HERC2: variants seen among roughly 807,000 people sequenced by gnomAD.
HERC2 encodes the protein E3 ubiquitin-protein ligase HERC2.
A neutral mutation model predicts 537.7 loss-of-function variants in HERC2; 102 were observed. The observed-to-expected ratio is 0.19, with a 90% CI of 0.16 to 0.22. The LOEUF is 0.22. HERC2 is among the 10% of genes least tolerant of loss of function. The pLI is 1.00. For missense variants in HERC2, 4,236 were observed against 6,198.2 expected, an observed-to-expected ratio of 0.68 and a Z score of 10.63; for synonymous variants, 2,224 against 2,466.2, an observed-to-expected ratio of 0.90 and a Z score of 2.91.
intron 65 of HERC2, among the ~76,000 whole-genome samples, chr15:28,171,802 C>T (rs1156515950): frequency 4.6e-5 from 7 of 152,186 alleles, no homozygotes; most frequent in African/African-American, 1.7e-4. Context: ...AGACCGGGTG[C>T]GGTGACTCAC....
chr15:28,181,772 C>A (rs1299969194), intron 57 of HERC2, among the ~76,000 whole-genome samples: 2 of 152,210 alleles, frequency 1.3e-5, no homozygotes, highest in African/African-American at 4.8e-5. Flanking sequence ...TACAAATTAA[C>A]CTCTCATCCA....
intron 30 of HERC2, among the ~76,000 whole-genome samples, chr15:28,232,034 C>G (rs1179406856): frequency 1.3e-5 from 2 of 152,146 alleles, no homozygotes; most frequent in Non-Finnish European, 2.9e-5. Context: ...AAAGGAATCG[C>G]AGCAGTGTGA....
rs779645470 is a variant in HERC2, at chr15:28,246,817, C to G, written c.3316G>C (p.Val1106Leu). The change falls in exon 22 of 93, where the codon GTG (valine) becomes CTG (leucine). Residue 1106 changes from valine (V) to leucine (L), a missense_variant. This residue lies in a region of HERC2 where 754 missense variants were observed against 1,085.0 expected (regional missense o/e 0.69). Coordinates refer to ENST00000261609, the MANE Select transcript of HERC2 (RefSeq NM_004667.6). ...LCTHIGDILP[V>L]AASIASTSWR... ...CTGGTAGAAGCAATGCTGGCGGCCA[C>G]AGGCAGTATATCTCCAATGTGCGTG... 1.6e-5 allele frequency: 26 copies of G among 1,610,486 alleles called. No homozygotes were observed. The Admixed American group carries it at 2.5e-4, about 16-fold the overall frequency.
chr15:28,247,421 CTTTTTTTTTT>C lies in HERC2; in HGVS notation c.3236-534_3236-525del, dbSNP rs71132843. ...CTTCAGTTTTTCTGTCTACATGGTT[CTTTTTTTTTT>C]TTTTTTTTTTTTTTGAGACCGAGTT... On this transcript the variant is annotated intron_variant, in intron 21 of 92. Coordinates refer to ENST00000261609, the MANE Select transcript of HERC2 (RefSeq NM_004667.6). Among the ~76,000 whole-genome samples the C allele has an allele frequency of 9.2e-5, 7 of 76,188 alleles. No homozygotes were observed. In the South Asian group the frequency reaches 3.6e-3, roughly 39 times the overall value. The allele number at this position is 76,188 out of a possible 152,430, so 50.0% of individuals were successfully genotyped here.
At chr15:28,172,683 A>G (rs1894815962) in intron 65 of HERC2, among the ~76,000 whole-genome samples, 1 of 152,244 alleles carries the variant, frequency 6.6e-6, no homozygotes, top group Non-Finnish European at 1.5e-5. Flanking sequence ...TAGAAGGAGA[A>G]TCTTTATAAT....
chr15:28,163,623 G>A (rs1893836731), intron 68 of HERC2, among the ~76,000 whole-genome samples: 1 of 152,130 alleles, frequency 6.6e-6, no homozygotes, highest in African/African-American at 2.4e-5. Context: ...GCTGCATCCT[G>A]TATAATCTAC....
Position 28,113,396 on chromosome 15 carries a change from G to C in HERC2, c.14020-113C>G, listed in dbSNP as rs1403130755. 8.1e-7 allele frequency: 1 copy of C among 1,236,142 alleles called. No individual in the cohort carries two copies. The highest frequency in any genetic ancestry group is 1.5e-5 in the African/African-American group (1 of 67,350). The allele number at this position is 1,236,142 out of a possible 1,614,324, so 76.6% of individuals were successfully genotyped here. ...GCCTGTTTGGGGTGGGGAAAGGTCT[G>C]GGGGCTCTGGGTGGGCCCACACACA... is the stretch of plus-strand genomic sequence containing the variant. On this transcript the variant is annotated intron_variant, in intron 91 of 92. Coordinates refer to ENST00000261609, the MANE Select transcript of HERC2 (RefSeq NM_004667.6). This position sits in a 1 kb window ranked among gnomAD's most constrained non-coding sequence, Gnocchi z 7.0.
In HERC2 at chr15:28,294,993, C is replaced by A. The variant is rs1408856280; in HGVS notation, c.188-1971G>T. 1.3e-5 allele frequency among the ~76,000 whole-genome samples: 2 copies of A among 151,708 alleles called. 1 individual carries two copies. Among genetic ancestry groups the A allele is most frequent in the Non-Finnish European group, 2.9e-5 (2 of 67,920 alleles). ...TCTGAACAGAAACTCACAGAGGATA[C>A]AAGAGTGGCAAAAAAGAACATGATA... On this transcript the variant is annotated intron_variant, in intron 3 of 92. Coordinates refer to ENST00000261609, the MANE Select transcript of HERC2 (RefSeq NM_004667.6).
intron 43 of HERC2, among the ~76,000 whole-genome samples, chr15:28,212,127 C>A (rs542913782): frequency 6.6e-6 from 1 of 152,122 alleles, no homozygotes; most frequent in Non-Finnish European, 1.5e-5. Flanking sequence ...GGTGACTGGG[C>A]CACAGGGCCC....
chr15:28,149,641 A>G (rs924144025), intron 70 of HERC2, among the ~76,000 whole-genome samples: 1 of 151,986 alleles, frequency 6.6e-6, no homozygotes, highest in Non-Finnish European at 1.5e-5. Context: ...ACGAACGTAC[A>G]TTCTAGTAAA....
intron 37 of HERC2, among the ~76,000 whole-genome samples, chr15:28,219,667 A>C (rs546191251): frequency 4.2e-4 from 64 of 152,238 alleles, no homozygotes; most frequent in African/African-American, 1.4e-3. Context: ...TCCAGCCCCC[A>C]TACCACCTGC....
In HERC2 at chr15:28,177,644, G is replaced by C; in HGVS notation, c.9164-135C>G. The stretch of plus-strand genomic sequence containing the variant: ...GCTGAATAAATGAGTAACTCAACAG[G>C]ATCAACAGCGGAGTTAGCAGGAAAG... On this transcript the variant is annotated intron_variant, in intron 59 of 92. Coordinates refer to ENST00000261609, the MANE Select transcript of HERC2 (RefSeq NM_004667.6). This position sits in a 1 kb window ranked among gnomAD's most constrained non-coding sequence, Gnocchi z 5.0. 1 of 709,944 alleles carries C rather than the reference G, an allele frequency of 1.4e-6. No individual in the cohort carries two copies. Among genetic ancestry groups the C allele is most frequent in the South Asian group, 1.7e-5 (1 of 58,682 alleles). 44.0% of individuals were successfully genotyped at this position (709,944 alleles called of 1,614,324 possible). A position where few individuals can be genotyped will look rare whatever the true frequency, so the allele number is the denominator to read the frequency against.
At chr15:28,293,875 A>G (rs1273011181) in intron 3 of HERC2, among the ~76,000 whole-genome samples, 1 of 152,352 alleles carries the variant, frequency 6.6e-6, no homozygotes, top group African/African-American at 2.4e-5. Context: ...AGTCAAAAAC[A>G]ACTGTCATAA....
At chr15:28,186,467 TA>T in intron 56 of HERC2, 109 bp downstream of exon 56, 1 of 798,858 alleles carries the variant, frequency 1.3e-6, no homozygotes, top group Non-Finnish European at 1.9e-6. Flanking sequence ...CGTGTGGACA[TA>T]AAATGACTCT....
intron 70 of HERC2, among the ~76,000 whole-genome samples, chr15:28,151,240 T>C (rs1268232262): frequency 6.6e-6 from 1 of 152,158 alleles, no homozygotes; most frequent in East Asian, 1.9e-4. Flanking sequence ...CAGGATTTGA[T>C]ATGGAAGAAA....
chr15:28,205,167 A>G (rs1327583640), intron 45 of HERC2, among the ~76,000 whole-genome samples: 1 of 152,038 alleles, frequency 6.6e-6, no homozygotes, highest in African/African-American at 2.4e-5. Context: ...ACTCTCCATC[A>G]GAATCCATGG....
chr15:28,254,710 T>G lies in HERC2; in HGVS notation c.2872-192A>C, dbSNP rs552801309. 1.8e-4 allele frequency among the ~76,000 whole-genome samples: 28 copies of G among 152,298 alleles called. No individual in the cohort carries two copies. The South Asian group carries it at 5.8e-3, about 32-fold the overall frequency. ...TTGTGCAGTTTCAAACAGTGTCTTC[T>G]TTTTACAGAATCAAGGTCCAGGCTG... On this transcript the variant is annotated intron_variant, in intron 19 of 92. Transcript: ENST00000261609.
intron 83 of HERC2, among the ~76,000 whole-genome samples, chr15:28,128,697 C>A (rs1889771143): frequency 6.6e-6 from 1 of 152,214 alleles, no homozygotes; most frequent in Non-Finnish European, 1.5e-5. Context: ...TCCCCACAGC[C>A]CGGCTGGCTT....
Position 28,269,208 on chromosome 15 carries a change from C to T in HERC2, c.1446+40G>A, listed in dbSNP as rs76637202. The T allele has an allele frequency of 1.7e-3, 2,675 of 1,563,956 alleles. 44 individuals carry two copies. In the African/African-American group the frequency reaches 0.032, roughly 19 times the overall value. ...TGCATCTGTAGGACAGACCCTGCCC[C>T]GCAAGGGAACACTGCAGGCACAGTG... On this transcript the variant is annotated intron_variant, in intron 11 of 92. Coordinates refer to ENST00000261609, the MANE Select transcript of HERC2 (RefSeq NM_004667.6).
Sources: gnomAD v4.1 joint callset for allele counts (sites outside exome capture counted in the v4.1 genomes callset) on GRCh38, gnomAD v4.1.1 for gene constraint, gnomAD v4.1.1 regional missense constraint, Gnocchi (gnomAD v3.1) non-coding constraint, MANE v1.5 for transcripts, NCBI Gene and HGNC (gene_info 2026-07-23, HGNC 2026-07-21) for gene names.